Variants in PGAP1 observed in about 807,000 individuals in gnomAD.
The protein encoded by PGAP1 is post-GPI attachment to proteins inositol deacylase 1, also known as GPI inositol-deacylase.
A neutral mutation model predicts 127.0 loss-of-function variants in PGAP1; 76 were observed. The observed-to-expected ratio is 0.60, with a 90% confidence interval of 0.50 to 0.72. The LOEUF (loss-of-function observed/expected upper bound fraction) is 0.72, where lower values mean the gene tolerates loss of function less well. Ranked by LOEUF, PGAP1 falls within the 30% of genes least tolerant of loss-of-function variation. The pLI is 0.00. For synonymous variants in PGAP1, 362 were observed against 366.5 expected (o/e 0.99, Z 0.14); for missense variants, 982 against 1,071.3 (o/e 0.92, Z 1.16).
At chr2:196,888,209 A>G (rs1701981659) in intron 10 of PGAP1, among the ~76,000 whole-genome samples, 1 of 152,224 alleles carries the variant, frequency 6.6e-6, no homozygotes, top group Admixed American at 6.5e-5. Flanking sequence ...TAAAGTATAC[A>G]GGAAAGAAAA....
intron 8 of PGAP1, 24 bp from the exon 9 acceptor site, chr2:196,892,425 AT>A: frequency 8.5e-7 from 1 of 1,173,826 alleles, no homozygotes; most frequent in Non-Finnish European, 1.2e-6. Context: ...AAATTAATTT[AT>A]TTGCCTTGTT....
At position 196,834,351 on chromosome 2, in the gene PGAP1, T is replaced by G. The variant is rs533546448; in HGVS notation, c.*6883A>C. On this transcript the variant is annotated 3_prime_UTR_variant, in exon 27 of 27. Coordinates refer to ENST00000354764, the MANE Select transcript of PGAP1 (RefSeq NM_024989.4). ...TACCAGTCAACTTTTATTTTAAACT[T>G]TTATTTCACCAACCTCGAAGACAAG... is the stretch of plus-strand genomic sequence containing the variant. 1 of 152,584 alleles carries G rather than the reference T, an allele frequency of 6.6e-6. No homozygotes were observed. Among genetic ancestry groups the G allele is most frequent in the African/African-American group, 2.4e-5 (1 of 41,564 alleles). The allele number at this position is 152,584 out of a possible 1,614,324, so 9.5% of individuals were successfully genotyped here.
chr2:196,873,431 A>G, intron 16 of PGAP1, 97 bp downstream of exon 16: 2 of 823,638 alleles, frequency 2.4e-6, no homozygotes, highest in Non-Finnish European at 1.9e-6. Context: ...ATAAAAATAT[A>G]TGGAAGAATA....
At chr2:196,843,614 G>A (rs756688342) in intron 25 of PGAP1, among the ~76,000 whole-genome samples, 1 of 152,006 alleles carries the variant, frequency 6.6e-6, no homozygotes, top group Non-Finnish European at 1.5e-5. Flanking sequence ...CATAGTAAGG[G>A]AGAAAATGTG....
intron 9 of PGAP1, among the ~76,000 whole-genome samples, chr2:196,891,741 TTAATAAA>T (rs1702106963): frequency 6.6e-6 from 1 of 152,068 alleles, no homozygotes; most frequent in African/African-American, 2.4e-5. Flanking sequence ...ACTATTCTAG[TTAATAAA>T]TAATAAAATT....
Position 196,922,506 on chromosome 2 carries a change from A to T in PGAP1, c.148-2356T>A, listed in dbSNP as rs1703228715. The T allele has an allele frequency of 2.0e-6, 2 of 980,836 alleles. 1 individual carries two copies. Among genetic ancestry groups the T allele is most frequent in the South Asian group, 9.5e-5 (2 of 21,102 alleles). The allele number at this position is 980,836 out of a possible 1,614,324, so 60.8% of individuals were successfully genotyped here. ...CCTTAAGGACAACTGAATTTTTCAG[A>T]CTTGTCTCTATCCTTGCCTTCGTCT... is the stretch of plus-strand genomic sequence containing the variant. On this transcript the variant is annotated intron_variant, in intron 1 of 26. Transcript: ENST00000354764.
intron 8 of PGAP1, among the ~76,000 whole-genome samples, chr2:196,892,742 A>G (rs1702141503): frequency 6.6e-6 from 1 of 152,126 alleles, no homozygotes; most frequent in African/African-American, 2.4e-5. Context: ...TTATTTTGTT[A>G]AAAGCAAAAT....
intron 8 of PGAP1, 31 bp downstream of exon 8, chr2:196,893,109 T>C (rs892115026): frequency 3.1e-6 from 4 of 1,311,246 alleles, no homozygotes. Flanking sequence ...AAATACTTCA[T>C]TTAAAATTAA....
rs1270765354 is a variant in PGAP1, at chr2:196,841,323, C to T, written c.2680G>A (p.Val894Met). The T allele has an allele frequency of 1.2e-6, 2 of 1,613,742 alleles. No homozygotes were observed. Among genetic ancestry groups the T allele is most frequent in the Middle Eastern group, 1.7e-4 (1 of 6,060 alleles). ...AAATGTGCTGACCCAAAAGCAATCA[C>T]ACCAACAGCCAGAGGAAGTGGAAAT... ...SQFPLPLAVG[V>M]IAFGSAHLYR... Residue 894 changes from valine (V) to methionine (M), a missense_variant, in exon 27 of 27, where the codon GTG becomes ATG. Physicochemically the swap from Val to Met is conservative, Grantham distance 21. Coordinates refer to ENST00000354764, the MANE Select transcript of PGAP1 (RefSeq NM_024989.4).
rs184812135 is a variant in PGAP1 at position 196,892,255 on chromosome 2, A to T, written c.1089+91T>A. ...AATTGTGGGAAAATGGCATGCAGTT[A>T]TCTTGTTTAAAGAGTCTTTAACTTT... On this transcript the variant is annotated intron_variant, in intron 9 of 26. Transcript: ENST00000354764. The T allele has an allele frequency of 4.2e-4, 258 of 617,994 alleles. 1 individual carries two copies. In the African/African-American group the frequency reaches 4.6e-3, roughly 11 times the overall value. The allele number at this position is 617,994 out of a possible 1,614,324, so 38.3% of individuals were successfully genotyped here.
In PGAP1 at chr2:196,838,458, T is replaced by C. The variant is rs1700295588; in HGVS notation, c.*2776A>G. The C allele has an allele frequency of 1.3e-5, 2 of 152,206 alleles. No individual in the cohort carries two copies. The allele number at this position is 152,206 out of a possible 1,614,324, so 9.4% of individuals were successfully genotyped here. A position where few individuals can be genotyped will look rare whatever the true frequency, so the allele number is the denominator to read the frequency against. ...GTGACAGAAACGTCCATTTTGCTAA[T>C]CTTCAAAGAGCCCACCTTCGCATCT... On this transcript the variant is annotated 3_prime_UTR_variant, in exon 27 of 27. Transcript: ENST00000354764.
Position 196,893,289 on chromosome 2 carries a change from G to A in PGAP1, c.928-44C>T, listed in dbSNP as rs1267947012. 9 of 1,052,234 alleles carry A rather than the reference G, an allele frequency of 8.6e-6. No homozygotes were observed. The South Asian group carries it at 1.3e-4, about 15-fold the overall frequency. 65.2% of individuals were successfully genotyped at this position (1,052,234 alleles called of 1,614,324 possible). On this transcript the variant is annotated intron_variant, in intron 7 of 26. Transcript: ENST00000354764. ...CATTCTGTATCATTTTGTATCTATT[G>A]TAATAGCTTGATGAAACATTGCTTC...
intron 2 of PGAP1, among the ~76,000 whole-genome samples, chr2:196,917,597 G>A (rs549070263): frequency 4.3e-4 from 65 of 152,112 alleles, no homozygotes; most frequent in African/African-American, 1.4e-3. Flanking sequence ...CATATAATAC[G>A]TGGCCTTTTG....
intron 13 of PGAP1, among the ~76,000 whole-genome samples, chr2:196,879,423 G>A (rs1281933097): frequency 6.6e-6 from 1 of 152,072 alleles, no homozygotes. Context: ...AGCCAGGCGC[G>A]GTGGCTCACA....
At chr2:196,851,178 AT>A (rs1700709169) in intron 20 of PGAP1, among the ~76,000 whole-genome samples, 4 of 152,060 alleles carry the variant, frequency 2.6e-5, no homozygotes, top group South Asian at 4.1e-4. Context: ...AAACAAAAAA[AT>A]AAAAAAACCC....
At position 196,892,827 on chromosome 2, in the gene PGAP1, C is replaced by G. The variant is rs1250827125; in HGVS notation, c.1033+313G>C. Among the ~76,000 whole-genome samples, 4 of 151,984 alleles carry G rather than the reference C, an allele frequency of 2.6e-5. No individual in the cohort carries two copies. In the East Asian group the frequency reaches 5.8e-4, roughly 22 times the overall value. On this transcript the variant is annotated intron_variant, in intron 8 of 26. Coordinates refer to ENST00000354764, the MANE Select transcript of PGAP1 (RefSeq NM_024989.4). ...TGATAATTGAGGAACTAAAAGGAGTCAAGAATAATATGGCACTTAGTTTAT... is the reference window on the plus strand; with the variant it reads ...TGATAATTGAGGAACTAAAAGGAGTGAAGAATAATATGGCACTTAGTTTAT...
In PGAP1 at chr2:196,869,885, T is replaced by G. The variant is rs186087596; in HGVS notation, c.1767+1056A>C. Among the ~76,000 whole-genome samples the G allele has an allele frequency of 7.7e-4, 118 of 152,314 alleles. 1 individual carries two copies. In the East Asian group the frequency reaches 0.021, roughly 27 times the overall value. On this transcript the variant is annotated intron_variant, in intron 19 of 26. Coordinates refer to ENST00000354764, the MANE Select transcript of PGAP1 (RefSeq NM_024989.4). ...GAGTTTTATTACAGTATTAAATGAC[T>G]TAGAGTTAAAACAAAATTCTACTAT...
At chr2:196,900,936 G>GA (rs545935534) in intron 5 of PGAP1, among the ~76,000 whole-genome samples, 15 of 141,844 alleles carry the variant, frequency 1.1e-4, no homozygotes, top group Non-Finnish European at 2.1e-4. Context: ...CAAAAAAAAA[G>GA]AAAAAAAAAG....
chr2:196,878,032 G>A (rs1237900083), intron 13 of PGAP1, among the ~76,000 whole-genome samples: 2 of 152,158 alleles, frequency 1.3e-5, no homozygotes, highest in Non-Finnish European at 2.9e-5. Flanking sequence ...ATCTTGAAGA[G>A]TAAGTTTGCT....
Sources: gnomAD v4.1 joint callset for allele counts (sites outside exome capture counted in the v4.1 genomes callset) on GRCh38, gnomAD v4.1.1 for gene constraint, MANE v1.5 for transcripts, NCBI Gene and HGNC (gene_info 2026-07-23, HGNC 2026-07-21) for gene names.